Variants in FAM228B observed in about 807,000 individuals in gnomAD.
FAM228B encodes the protein family with sequence similarity 228 member B.
Under a neutral mutation model 42.6 loss-of-function variants are expected in FAM228B, and 38 were observed. The observed-to-expected ratio is 0.89, with a 90% CI of 0.69 to 1.17. FAM228B has a LOEUF of 1.17. Among genes scored for constraint, FAM228B ranks in the 50% most tolerant of loss-of-function variants. FAM228B has a pLI of 0.00. For missense variants in FAM228B, 344 were observed against 367.3 expected, an observed-to-expected ratio of 0.94 and a Z score of 0.52; for synonymous variants, 109 against 122.3, an observed-to-expected ratio of 0.89 and a Z score of 0.72.
intron 2 of FAM228B, among the ~76,000 whole-genome samples, chr2:24,089,982 A>AG (rs1434451445): frequency 6.7e-6 from 1 of 150,276 alleles, no homozygotes; most frequent in East Asian, 2.0e-4. Context: ...AAAAGAAAAA[A>AG]AAAAAAAAAC....
chr2:24,167,418 C>T (rs977855967), intron 9 of FAM228B, among the ~76,000 whole-genome samples: 1 of 150,540 alleles, frequency 6.6e-6, no homozygotes, highest in South Asian at 2.1e-4. Context: ...CATTATAATA[C>T]CGGAGGAGGA....
At chr2:24,131,662 T>C (rs190654238) in intron 2 of FAM228B, among the ~76,000 whole-genome samples, 2 of 152,346 alleles carry the variant, frequency 1.3e-5, no homozygotes, top group East Asian at 3.9e-4. Context: ...ATGTTTGTGA[T>C]TTTTGCACAT....
At position 24,083,432 on chromosome 2, in the gene FAM228B, G is replaced by A. The variant is rs548073299; in HGVS notation, c.-210+2477G>A. On this transcript the variant is annotated intron_variant, in intron 2 of 10. Coordinates refer to the FAM228B transcript ENST00000613899. ...CAGATGGAGAAACTGAGTCCCAGAC[G>A]GGAAATAATAGTAGTGGGATTAGGA... 5.9e-5 allele frequency among the ~76,000 whole-genome samples: 9 copies of A among 152,174 alleles called. No individual in the cohort carries two copies. The South Asian group carries it at 6.2e-4, about 11-fold the overall frequency.
chr2:24,159,136 T>TA (rs1181355147), intron 7 of FAM228B, among the ~76,000 whole-genome samples: 1 of 152,248 alleles, frequency 6.6e-6, no homozygotes, highest in Non-Finnish European at 1.5e-5. Context: ...TCCAACACCC[T>TA]AATCTACTGT....
chr2:24,093,892 C>T (rs1309555375), intron 2 of FAM228B, among the ~76,000 whole-genome samples: 1 of 152,048 alleles, frequency 6.6e-6, no homozygotes, highest in Non-Finnish European at 1.5e-5. Flanking sequence ...GCTGGGATTA[C>T]AGGTATGAGC....
At chr2:24,139,687 A>G (rs1278174982) in intron 5 of FAM228B, among the ~76,000 whole-genome samples, 1 of 152,230 alleles carries the variant, frequency 6.6e-6, no homozygotes, top group East Asian at 1.9e-4. Context: ...TAAAAATTCC[A>G]TAGACTTTTA....
chr2:24,140,966 T>TA (rs77085785), intron 5 of FAM228B, among the ~76,000 whole-genome samples: 215 of 128,984 alleles, frequency 1.7e-3, no homozygotes, highest in Non-Finnish European at 2.0e-3. Flanking sequence ...AGACTCTGTC[T>TA]AAAAAAAAAA....
At chr2:24,162,112 CAAA>C (rs948661746) in intron 8 of FAM228B, among the ~76,000 whole-genome samples, 1 of 151,478 alleles carries the variant, frequency 6.6e-6, no homozygotes, top group Admixed American at 6.6e-5. Flanking sequence ...AACAAACAAA[CAAA>C]AAAACCAAAC....
chr2:24,136,188 A>G (rs529299498), intron 3 of FAM228B, among the ~76,000 whole-genome samples: 93 of 148,778 alleles, frequency 6.3e-4, no homozygotes, highest in African/African-American at 2.3e-3. Flanking sequence ...CAGCCTCCCA[A>G]TTAGTTGGGA....
rs1465198024 is a variant in FAM228B at position 24,161,628 on chromosome 2, C to T, written c.794+15C>T. The T allele has an allele frequency of 7.1e-7, 1 of 1,411,114 alleles. No individual in the cohort carries two copies. The highest frequency in any genetic ancestry group is 9.8e-7 in the Non-Finnish European group (1 of 1,018,984). The allele number at this position is 1,411,114 out of a possible 1,614,324, so 87.4% of individuals were successfully genotyped here. ...GTTATTTACAAGTAAGTCTGTTCTT[C>T]CATAGCTTTGCTCTTCTTTTGCTAA... On this transcript the variant is annotated intron_variant, in intron 8 of 10. Transcript: ENST00000615575.
intron 3 of FAM228B, among the ~76,000 whole-genome samples, chr2:24,105,745 A>G (rs1319072049): frequency 6.6e-6 from 1 of 152,236 alleles, no homozygotes; most frequent in African/African-American, 2.4e-5. Context: ...CTGACAGATG[A>G]AATAGCCTCT....
chr2:24,089,413 A>G (rs1294346944), intron 2 of FAM228B, among the ~76,000 whole-genome samples: 2 of 152,204 alleles, frequency 1.3e-5, no homozygotes, highest in Non-Finnish European at 2.9e-5. Flanking sequence ...AACAAGTAGT[A>G]AAATCTAGAA....
chr2:24,130,741 T>C (rs1376977690), intron 2 of FAM228B, among the ~76,000 whole-genome samples: 1 of 152,216 alleles, frequency 6.6e-6, no homozygotes, highest in Non-Finnish European at 1.5e-5. Context: ...TCTCCCATTC[T>C]GTAGGTTTCC....
rs1664950151 is a variant in FAM228B at position 24,080,487 on chromosome 2, A to C, written c.-289-389A>C. Among the ~76,000 whole-genome samples the C allele has an allele frequency of 6.6e-6, 1 of 152,216 alleles. No individual in the cohort carries two copies. Among genetic ancestry groups the C allele is most frequent in the African/African-American group, 2.4e-5 (1 of 41,460 alleles). On this transcript the variant is annotated intron_variant, in intron 1 of 10. Transcript: ENST00000613899. This position sits in a 1 kb window ranked among gnomAD's most constrained non-coding sequence, Gnocchi z 4.7. ...CCCAACCCTACCATGGCTGGCTCCA[A>C]ACTGGTCTCTGCCTCCAAGCCTCCT...
intron 7 of FAM228B, among the ~76,000 whole-genome samples, chr2:24,149,458 CT>C (rs1558391026): frequency 6.6e-6 from 1 of 151,260 alleles, no homozygotes; most frequent in Non-Finnish European, 1.5e-5. Context: ...GTTTTTTTTT[CT>C]TCTTCTTTTT....
intron 4 of FAM228B, 66 bp from the exon 5 acceptor site, chr2:24,139,304 C>A (rs1375786584): frequency 1.1e-6 from 1 of 916,408 alleles, no homozygotes; most frequent in Non-Finnish European, 1.7e-6. Context: ...ACTCTCAAGT[C>A]CTGATATGCT....
Position 24,164,231 on chromosome 2 carries a change from G to A in FAM228B, c.828G>A (p.Pro276=), listed in dbSNP as rs747198065. The change falls in exon 9 of 11, where the codon CCG becomes CCA. Residue 276 remains proline (P), a synonymous_variant. Transcript: ENST00000615575. ...NKGSSFLERE[P]LCYQEGNNPS... ...GGTCATCCTTTCTAGAAAGAGAACC[G>A]CTGTGCTATCAGGAGGGAAATAATC... 9.9e-5 allele frequency: 154 copies of A among 1,550,766 alleles called. No homozygotes were observed. The highest frequency in any genetic ancestry group is 1.2e-4 in the Non-Finnish European group (141 of 1,146,492).
intron 5 of FAM228B, among the ~76,000 whole-genome samples, chr2:24,141,363 C>T (rs1403160604): frequency 6.6e-6 from 1 of 152,224 alleles, no homozygotes; most frequent in African/African-American, 2.4e-5. Flanking sequence ...CCTGCTTCAG[C>T]CTCCTGAGTA....
chr2:24,164,744 A>G (rs1667363820), intron 9 of FAM228B, among the ~76,000 whole-genome samples: 1 of 152,220 alleles, frequency 6.6e-6, no homozygotes, highest in African/African-American at 2.4e-5. Flanking sequence ...TAAGGCAGTC[A>G]AGATAGGTAG....
Sources: gnomAD v4.1 joint callset for allele counts (sites outside exome capture counted in the v4.1 genomes callset) on GRCh38, gnomAD v4.1.1 for gene constraint, Gnocchi (gnomAD v3.1) non-coding constraint, MANE v1.5 for transcripts, NCBI Gene and HGNC (gene_info 2026-07-23, HGNC 2026-07-21) for gene names.